RB1: variants seen among roughly 807,000 people sequenced by gnomAD.
RB1 encodes RB transcriptional corepressor 1, also known as retinoblastoma-associated protein.
In RB1, 18 loss-of-function variants were observed where a neutral mutation model predicts 135.4. That is an observed-to-expected ratio of 0.13 (90% CI 0.09 to 0.20). The LOEUF is 0.20. Ranked by LOEUF, RB1 falls within the 10% of genes least tolerant of loss-of-function variation. RB1 has a pLI of 1.00. For synonymous variants in RB1, 365 were observed against 373.2 expected, an observed-to-expected ratio of 0.98 and a Z score of 0.25; for missense variants, 868 against 1,110.0, an observed-to-expected ratio of 0.78 and a Z score of 3.10.
At chr13:48,355,991 CTT>C (rs1566190488) in intron 6 of RB1, among the ~76,000 whole-genome samples, 1 of 151,896 alleles carries the variant, frequency 6.6e-6, no homozygotes, top group Non-Finnish European at 1.5e-5. Flanking sequence ...ATGAATAAGA[CTT>C]TATAGCACAA....
At chr13:48,440,126 G>A (rs1190586842) in intron 17 of RB1, among the ~76,000 whole-genome samples, 1 of 151,962 alleles carries the variant, frequency 6.6e-6, no homozygotes, top group Non-Finnish European at 1.5e-5. Flanking sequence ...CAAAATCTTG[G>A]GAGTAAAAGG....
intron 17 of RB1, chr13:48,445,231 G>A (rs943720323): frequency 1.3e-4 from 20 of 152,180 alleles, no homozygotes; most frequent in African/African-American, 4.8e-4. Context: ...GGTCATCATT[G>A]CCAAATATTT....
intron 17 of RB1, chr13:48,412,372 T>G: frequency 6.2e-7 from 1 of 1,613,936 alleles, no homozygotes; most frequent in Non-Finnish European, 8.5e-7. Context: ...CCATACAAAG[T>G]GTACTTAAAG....
intron 17 of RB1, among the ~76,000 whole-genome samples, chr13:48,396,323 A>AG (rs1392130191): frequency 6.6e-6 from 1 of 152,146 alleles, no homozygotes; most frequent in African/African-American, 2.4e-5. Context: ...AACAGAACAG[A>AG]GACCTCAGAA....
chr13:48,423,395 A>G (rs900793103), intron 17 of RB1, among the ~76,000 whole-genome samples: 6 of 152,082 alleles, frequency 3.9e-5, no homozygotes, highest in Non-Finnish European at 7.4e-5. Flanking sequence ...GGTATAATAG[A>G]TCAAGGAGTC....
chr13:48,307,817 C>T (rs981058615), intron 2 of RB1, among the ~76,000 whole-genome samples: 14 of 150,698 alleles, frequency 9.3e-5, no homozygotes, highest in African/African-American at 3.4e-4. Context: ...GAGCCGAGAT[C>T]GTGCCACTGC....
chr13:48,389,432 A>G (rs906372769), intron 17 of RB1: 4 of 152,184 alleles, frequency 2.6e-5, no homozygotes, highest in African/African-American at 9.7e-5. Context: ...AAATAAAGAT[A>G]TAACAGAAGT....
intron 17 of RB1, among the ~76,000 whole-genome samples, chr13:48,440,741 G>T (rs1157524612): frequency 6.6e-6 from 1 of 152,072 alleles, no homozygotes; most frequent in Non-Finnish European, 1.5e-5. Flanking sequence ...GTAAAAAAGA[G>T]ACATCTCTTA....
intron 7 of RB1, 88 bp from the exon 8 acceptor site, chr13:48,362,727 T>A: frequency 7.2e-7 from 1 of 1,381,496 alleles, no homozygotes; most frequent in Non-Finnish European, 1.0e-6. Flanking sequence ...TTACCAAGAT[T>A]ATTTTTGACC....
chr13:48,391,101 G>A (rs1225893378), intron 17 of RB1, among the ~76,000 whole-genome samples: 1 of 151,220 alleles, frequency 6.6e-6, no homozygotes, highest in African/African-American at 2.4e-5. Context: ...TTCTTTGTAG[G>A]CTTACTGTCT....
chr13:48,351,894 G>C (rs1952552030), intron 6 of RB1, among the ~76,000 whole-genome samples: 1 of 151,990 alleles, frequency 6.6e-6, no homozygotes, highest in Admixed American at 6.6e-5. Flanking sequence ...GGCTGGTCTT[G>C]AACTCCCTAC....
intron 17 of RB1, among the ~76,000 whole-genome samples, chr13:48,425,829 T>A (rs978522625): frequency 1.3e-5 from 2 of 152,226 alleles, no homozygotes; most frequent in Admixed American, 1.3e-4. Context: ...CCCCACTAAT[T>A]TTCAATGACA....
intron 7 of RB1, among the ~76,000 whole-genome samples, chr13:48,362,590 T>C (rs1952653364): frequency 6.6e-6 from 1 of 152,160 alleles, no homozygotes; most frequent in Admixed American, 6.5e-5. Context: ...GACTGTAGTT[T>C]ACAGTTCTTT....
At chr13:48,436,970 G>T (rs184708543) in intron 17 of RB1, among the ~76,000 whole-genome samples, 243 of 152,238 alleles carry the variant, frequency 1.6e-3, no homozygotes, top group African/African-American at 5.5e-3. Context: ...TACTTACTTT[G>T]ATAATCAGAA....
Position 48,319,152 on chromosome 13 carries a change from G to C in RB1, c.264+11746G>C. The stretch of plus-strand genomic sequence containing the variant: ...TTGGTTTCCTTCGGGAGCTTGTGGG[G>C]AATGGTCAGCGTCTAGGCACCCCGG... On this transcript the variant is annotated intron_variant, in intron 2 of 26. Coordinates refer to ENST00000267163, the MANE Select transcript of RB1 (RefSeq NM_000321.3). This position sits in a 1 kb window ranked among gnomAD's most constrained non-coding sequence, Gnocchi z 5.0. 1 of 603,440 alleles carries C rather than the reference G, an allele frequency of 1.7e-6. No individual in the cohort carries two copies. Among genetic ancestry groups the C allele is most frequent in the East Asian group, 3.9e-5 (1 of 25,608 alleles). The allele number at this position is 603,440 out of a possible 1,614,324, so 37.4% of individuals were successfully genotyped here.
At chr13:48,400,902 G>A (rs1250636386) in intron 17 of RB1, among the ~76,000 whole-genome samples, 2 of 152,010 alleles carry the variant, frequency 1.3e-5, no homozygotes, top group Non-Finnish European at 2.9e-5. Context: ...GTTTATCTTG[G>A]CTTACTATAA....
At chr13:48,362,381 CT>C (rs1484628511) in intron 7 of RB1, among the ~76,000 whole-genome samples, 9 of 151,708 alleles carry the variant, frequency 5.9e-5, no homozygotes, top group Non-Finnish European at 1.0e-4. Flanking sequence ...TTATACCTAT[CT>C]TTTAAAGACA....
chr13:48,424,367 G>A (rs1296379674), intron 17 of RB1, among the ~76,000 whole-genome samples: 1 of 152,100 alleles, frequency 6.6e-6, no homozygotes, highest in Non-Finnish European at 1.5e-5. Flanking sequence ...ATCTACCCAA[G>A]TTCAAAGAGT....
intron 6 of RB1, among the ~76,000 whole-genome samples, chr13:48,357,443 G>A (rs1270985777): frequency 7.3e-5 from 11 of 151,630 alleles, no homozygotes; most frequent in Admixed American, 6.6e-4. Context: ...TCCTTTTTAT[G>A]ATACATTTTT....
Sources: gnomAD v4.1 joint callset for allele counts (sites outside exome capture counted in the v4.1 genomes callset) on GRCh38, gnomAD v4.1.1 for gene constraint, Gnocchi (gnomAD v3.1) non-coding constraint, MANE v1.5 for transcripts, NCBI Gene and HGNC (gene_info 2026-07-23, HGNC 2026-07-21) for gene names.